The following SETDB1 variants were observed in gnomAD, a reference collection of about 807,000 sequenced individuals.
The protein encoded by SETDB1 is SET domain bifurcated histone lysine methyltransferase 1.
Under a neutral mutation model 137.4 loss-of-function variants are expected in SETDB1, and 31 were observed. The ratio of observed to expected loss-of-function variants is 0.23; its 90% CI spans 0.17 to 0.30. The LOEUF (loss-of-function observed/expected upper bound fraction) is 0.30. SETDB1 is among the 10% of genes least tolerant of loss of function. The pLI, the probability that SETDB1 is intolerant of heterozygous loss-of-function variation, is 1.00. For missense variants in SETDB1, 1,113 were observed against 1,631.5 expected, an observed-to-expected ratio of 0.68 and a Z score of 5.47; for synonymous variants, 548 against 579.9, an observed-to-expected ratio of 0.95 and a Z score of 0.79.
At chr1:150,928,009 C>T (rs776470533) in intron 2 of SETDB1, 35 bp downstream of exon 2, 8 of 1,599,062 alleles carry the variant, frequency 5.0e-6, no homozygotes, top group Non-Finnish European at 6.8e-6. Context: ...GGAAATCTCT[C>T]CATTGGGAGA....
chr1:150,933,137 G>T (rs1669816799), intron 3 of SETDB1, among the ~76,000 whole-genome samples: 1 of 152,012 alleles, frequency 6.6e-6, no homozygotes, highest in African/African-American at 2.4e-5. Flanking sequence ...ATAGTTCACT[G>T]CAGCCTCAAC....
At chr1:150,929,227 C>T (rs1171972829) in intron 2 of SETDB1, among the ~76,000 whole-genome samples, 3 of 152,114 alleles carry the variant, frequency 2.0e-5, no homozygotes, top group African/African-American at 7.2e-5. Context: ...AAAAGTGTTC[C>T]TGTTTCTCTA....
intron 9 of SETDB1, among the ~76,000 whole-genome samples, chr1:150,946,685 T>A (rs913817292): frequency 6.6e-6 from 1 of 152,114 alleles, no homozygotes; most frequent in African/African-American, 2.4e-5. Flanking sequence ...CAACCTCGGG[T>A]GATCCACCTG....
chr1:150,932,264 A>G (rs1442873039), intron 3 of SETDB1, among the ~76,000 whole-genome samples: 1 of 150,990 alleles, frequency 6.6e-6, no homozygotes, highest in Non-Finnish European at 1.5e-5. Flanking sequence ...AAATTTTTAC[A>G]TCTGTTTCAT....
chr1:150,934,730 G>A (rs1028818223), intron 3 of SETDB1, among the ~76,000 whole-genome samples: 1 of 151,958 alleles, frequency 6.6e-6, no homozygotes, highest in African/African-American at 2.4e-5. Context: ...CCAGTGTCAT[G>A]TTTTTCCAGC....
At chr1:150,935,843 T>C (rs587683425) in intron 3 of SETDB1, among the ~76,000 whole-genome samples, 20 of 152,328 alleles carry the variant, frequency 1.3e-4, no homozygotes, top group African/African-American at 1.7e-4. Context: ...GAGTCAGTTT[T>C]ATTGACAGGG....
chr1:150,962,471 C>A, intron 17 of SETDB1, 116 bp from the exon 18 acceptor site: 1 of 992,072 alleles, frequency 1.0e-6, no homozygotes, highest in Non-Finnish European at 1.6e-6. Context: ...GCTACCGTGT[C>A]CAGCCCAGTG....
In SETDB1 at chr1:150,962,087, C is replaced by T. The variant is rs587740285; in HGVS notation, c.3133-43C>T. ...AAGTCTGATTATTGGACTTGTTACC[C>T]GAGGCTGTGAAAGCATTTAACCCTT... On this transcript the variant is annotated intron_variant, in intron 16 of 21. Coordinates refer to ENST00000692827, the MANE Select transcript of SETDB1 (RefSeq NM_001366418.1). 3.8e-5 allele frequency: 61 copies of T among 1,612,614 alleles called. No homozygotes were observed. In the South Asian group the frequency reaches 5.8e-4, roughly 15 times the overall value.
At chr1:150,958,174 ACT>A (rs1349169186) in intron 14 of SETDB1, among the ~76,000 whole-genome samples, 8 of 146,198 alleles carry the variant, frequency 5.5e-5, no homozygotes, top group African/African-American at 1.0e-4. Context: ...TGAGAGCGAA[ACT>A]CTGTCTCCAA....
intron 21 of SETDB1, 32 bp downstream of exon 21, chr1:150,964,115 G>C: frequency 6.3e-7 from 1 of 1,592,370 alleles, no homozygotes; most frequent in Non-Finnish European, 8.6e-7. Flanking sequence ...TGACTGGGGA[G>C]GGGCAAGGAC....
At position 150,960,946 on chromosome 1, in the gene SETDB1, T is replaced by G. The variant is rs774652227; in HGVS notation, c.2887T>G (p.Ser963Ala). The change falls in exon 16 of 22, where the codon TCA becomes GCA. Residue 963 changes from serine to alanine, a missense_variant. Around this residue, in one of 11 missense-constraint regions of SETDB1, gnomAD observed 373 missense variants for 412.7 expected, o/e 0.90. Transcript: ENST00000692827. The part of the protein sequence containing the change: ...LGPPHIPVPP[S>A]IPVGGCNPPS... ...ACCCCCACATATTCCTGTTCCTCCC[T>G]CAATCCCTGTAGGTGGCTGCAATCC... The G allele has an allele frequency of 6.2e-7, 1 of 1,613,328 alleles. No homozygotes were observed. The highest frequency in any genetic ancestry group is 8.5e-7 in the Non-Finnish European group (1 of 1,179,896).
intron 21 of SETDB1, 38 bp downstream of exon 21, chr1:150,964,121 A>G (rs1274963331): frequency 2.5e-6 from 4 of 1,583,224 alleles, no homozygotes; most frequent in Non-Finnish European, 3.5e-6. Flanking sequence ...GGGAGGGGCA[A>G]GGACCACTGA....
chr1:150,951,558 C>T lies in SETDB1; in HGVS notation c.2333+77C>T, dbSNP rs191274085. On this transcript the variant is annotated intron_variant, in intron 14 of 21. Coordinates refer to ENST00000692827, the MANE Select transcript of SETDB1 (RefSeq NM_001366418.1). ...CTTGTTTTTCTGTGCTTATAGAAATCATCAGAAATCTAAAAATTGGAACCA... is the reference window on the plus strand; with the variant it reads ...CTTGTTTTTCTGTGCTTATAGAAATTATCAGAAATCTAAAAATTGGAACCA... The T allele has an allele frequency of 9.3e-6, 7 of 749,524 alleles. No individual in the cohort carries two copies. In the East Asian group the frequency reaches 1.8e-4, roughly 20 times the overall value. The allele number at this position is 749,524 out of a possible 1,614,324, so 46.4% of individuals were successfully genotyped here.
chr1:150,944,884 C>T (rs181739386), intron 8 of SETDB1, 34 bp from the exon 9 acceptor site: 332 of 1,611,190 alleles, frequency 2.1e-4, no homozygotes, highest in Admixed American at 6.3e-4. Context: ...CATGCCCTAC[C>T]TGCCCTCTCA....
intron 1 of SETDB1, 141 bp downstream of exon 1, chr1:150,926,658 G>A (rs933417625): frequency 1.0e-5 from 5 of 497,388 alleles, no homozygotes; most frequent in African/African-American, 7.8e-5. Flanking sequence ...TTTGCGAATG[G>A]GTAGGACGCA....
chr1:150,961,384 G>A (rs1247401486), intron 16 of SETDB1, 193 bp downstream of exon 16: 1 of 598,958 alleles, frequency 1.7e-6, no homozygotes, highest in Non-Finnish European at 2.9e-6. Context: ...CGGGCACAGT[G>A]GCTCACACCT....
Position 150,963,586 on chromosome 1 carries a change from A to G in SETDB1, c.3517A>G (p.Thr1173Ala). 3.1e-6 allele frequency: 5 copies of G among 1,614,052 alleles called. No individual in the cohort carries two copies. Among genetic ancestry groups the G allele is most frequent in the Non-Finnish European group, 4.2e-6 (5 of 1,179,960 alleles). Reference protein sequence around the residue: ...KSTRGFALKSTHGIAIKSTNM... With the variant: ...KSTRGFALKSAHGIAIKSTNM... ...AACCCGAGGCTTTGCTCTTAAATCAACCCATGGGATTGCAATTAAATCAAC... is the reference window on the plus strand; with the variant it reads ...AACCCGAGGCTTTGCTCTTAAATCAGCCCATGGGATTGCAATTAAATCAAC... Residue 1173 changes from threonine (T) to alanine (A), a missense_variant, in exon 20 of 22, where the codon ACC (threonine) becomes GCC (alanine). Thr to Ala is a moderately conservative substitution (Grantham distance 58, BLOSUM62 0). Transcript: ENST00000692827.
chr1:150,963,751 C>A lies in SETDB1; in HGVS notation c.3672+10C>A. On this transcript the variant is annotated intron_variant, in intron 20 of 21. Transcript: ENST00000692827. ...GGGCCGCTACCTCAACGTGAGACCC[C>A]TCTCCCCACCTCTAGATGCTGGATT... is the stretch of plus-strand genomic sequence containing the variant. 6.2e-7 allele frequency: 1 copy of A among 1,611,288 alleles called. No homozygotes were observed. Among genetic ancestry groups the A allele is most frequent in the Non-Finnish European group, 8.5e-7 (1 of 1,177,426 alleles).
chr1:150,928,367 C>A, intron 2 of SETDB1: 1 of 195,410 alleles, frequency 5.1e-6, no homozygotes, highest in Non-Finnish European at 1.1e-5. Flanking sequence ...TACAATCAGC[C>A]GTAAATATAA....
Sources: gnomAD v4.1 joint callset for allele counts (sites outside exome capture counted in the v4.1 genomes callset) on GRCh38, gnomAD v4.1.1 for gene constraint, gnomAD v4.1.1 regional missense constraint, MANE v1.5 for transcripts, NCBI Gene and HGNC (gene_info 2026-07-23, HGNC 2026-07-21) for gene names.